MGMT: variants seen among roughly 807,000 people sequenced by gnomAD.
The protein encoded by MGMT is methylated-DNA--protein-cysteine methyltransferase.
A neutral mutation model predicts 15.9 loss-of-function variants in MGMT; 14 were observed. The ratio of observed to expected loss-of-function variants is 0.88; its 90% CI spans 0.58 to 1.37. MGMT has a LOEUF of 1.37. MGMT is among the 40% of genes most tolerant of loss of function. MGMT has a pLI of 0.00. For synonymous variants in MGMT, 130 were observed against 118.2 expected (o/e 1.10, Z -0.65); for missense variants, 282 against 268.1 (o/e 1.05, Z -0.36).
rs183847376 is a variant in MGMT, at chr10:129,729,015, T to C, written c.274+20972T>C. 3.5e-3 allele frequency among the ~76,000 whole-genome samples: 529 copies of C among 152,258 alleles called. 1 individual carries two copies. Among genetic ancestry groups the C allele is most frequent in the Non-Finnish European group, 5.5e-3 (372 of 68,016 alleles). ...TCCAGAAGACATCAGGCTCTTTCTCTAGTGACCTTAGAAATCCCCGCATTG... is the reference window on the plus strand; with the variant it reads ...TCCAGAAGACATCAGGCTCTTTCTCCAGTGACCTTAGAAATCCCCGCATTG... On this transcript the variant is annotated intron_variant, in intron 3 of 4. Transcript: ENST00000651593.
chr10:129,633,355 G>A (rs531206465), intron 2 of MGMT, among the ~76,000 whole-genome samples: 119 of 152,220 alleles, frequency 7.8e-4, no homozygotes, highest in Non-Finnish European at 1.3e-3. Flanking sequence ...GCGTAGTCAG[G>A]GATAAATGCT....
At chr10:129,535,962 G>A (rs764863406) in intron 1 of MGMT, among the ~76,000 whole-genome samples, 48 of 152,146 alleles carry the variant, frequency 3.2e-4, no homozygotes, top group Non-Finnish European at 7.4e-5. Context: ...AGCTTCCTTC[G>A]GTGTTGCGTT....
intron 2 of MGMT, among the ~76,000 whole-genome samples, chr10:129,687,875 G>A (rs541180445): frequency 2.0e-5 from 3 of 151,750 alleles, no homozygotes; most frequent in South Asian, 2.1e-4. Flanking sequence ...AGGCCCTGGT[G>A]TGTGATGTTC....
intron 3 of MGMT, among the ~76,000 whole-genome samples, chr10:129,744,807 A>C (rs1180350338): frequency 6.6e-6 from 1 of 152,232 alleles, no homozygotes; most frequent in Non-Finnish European, 1.5e-5. Context: ...GTTGAAGTAG[A>C]TGCCGGGTGG....
chr10:129,725,847 C>G (rs776142985), intron 3 of MGMT, among the ~76,000 whole-genome samples: 7 of 152,328 alleles, frequency 4.6e-5, no homozygotes, highest in South Asian at 2.1e-4. Context: ...GATCAGGAGC[C>G]TAGGGTTCAA....
intron 2 of MGMT, among the ~76,000 whole-genome samples, chr10:129,655,520 C>A (rs1847515651): frequency 6.6e-6 from 1 of 152,194 alleles, no homozygotes; most frequent in South Asian, 2.1e-4. Flanking sequence ...AACGTCCAGA[C>A]CTTTGTTGTC....
At chr10:129,695,449 G>A (rs1848019099) in intron 2 of MGMT, among the ~76,000 whole-genome samples, 1 of 152,190 alleles carries the variant, frequency 6.6e-6, no homozygotes, top group African/African-American at 2.4e-5. Context: ...CAAGTTAATG[G>A]GACCGAGCCC....
At chr10:129,512,251 G>T (rs952833076) in intron 1 of MGMT, among the ~76,000 whole-genome samples, 1 of 152,128 alleles carries the variant, frequency 6.6e-6, no homozygotes, top group African/African-American at 2.4e-5. Flanking sequence ...CTGTAGTACT[G>T]CTTGCTTCTT....
intron 2 of MGMT, among the ~76,000 whole-genome samples, chr10:129,580,517 G>A (rs1217807098): frequency 2.0e-5 from 3 of 152,118 alleles, no homozygotes; most frequent in Admixed American, 6.5e-5. Flanking sequence ...AGGTCTAGAC[G>A]TTCCTAGGCT....
intron 2 of MGMT, among the ~76,000 whole-genome samples, chr10:129,675,275 C>G (rs951095346): frequency 6.6e-6 from 1 of 152,154 alleles, no homozygotes; most frequent in Non-Finnish European, 1.5e-5. Flanking sequence ...AGTCCTCACC[C>G]TGGCTGTAGT....
At chr10:129,687,088 G>A (rs1468729614) in intron 2 of MGMT, among the ~76,000 whole-genome samples, 1 of 152,190 alleles carries the variant, frequency 6.6e-6, no homozygotes, top group African/African-American at 2.4e-5. Flanking sequence ...GTCACAAATA[G>A]TAGGTTCTCA....
chr10:129,646,744 A>ATTTTTTTT (rs1448953343), intron 2 of MGMT, among the ~76,000 whole-genome samples: 1 of 79,262 alleles, frequency 1.3e-5, no homozygotes, highest in Non-Finnish European at 2.8e-5. Flanking sequence ...ATATATATAT[A>ATTTTTTTT]TATATATATA....
chr10:129,536,130 A>G (rs1257515873), intron 1 of MGMT, 111 bp from the exon 2 acceptor site: 2 of 1,217,232 alleles, frequency 1.6e-6, no homozygotes, highest in Non-Finnish European at 2.3e-6. Context: ...AAAATGAGGA[A>G]GAGCTTTGGA....
chr10:129,708,117 A>G lies in MGMT; in HGVS notation c.274+74A>G, dbSNP rs1443115129. 4.6e-6 allele frequency: 7 copies of G among 1,521,028 alleles called. No homozygotes were observed. The East Asian group carries it at 1.1e-4, about 25-fold the overall frequency. The allele number at this position is 1,521,028 out of a possible 1,614,324, so 94.2% of individuals were successfully genotyped here. On this transcript the variant is annotated intron_variant, in intron 3 of 4. Transcript: ENST00000651593. ...TTAACGATCGCTGACATCACAGTTCATTTTATTGAGTATACCAACTTGGTA... is the reference window on the plus strand; with the variant it reads ...TTAACGATCGCTGACATCACAGTTCGTTTTATTGAGTATACCAACTTGGTA...
intron 3 of MGMT, among the ~76,000 whole-genome samples, chr10:129,734,481 G>A (rs12256179): frequency 0.54 from 81,258 of 149,104 alleles, 22,519 homozygotes; most frequent in Middle Eastern, 0.71. Context: ...GGGGTCTTCT[G>A]GATATACAAT....
At chr10:129,513,044 C>T (rs1845701759) in intron 1 of MGMT, among the ~76,000 whole-genome samples, 1 of 152,218 alleles carries the variant, frequency 6.6e-6, no homozygotes, top group Admixed American at 6.5e-5. Context: ...GTGGCCTATC[C>T]ATGCAATGGA....
At chr10:129,544,829 C>T (rs970265664) in intron 2 of MGMT, among the ~76,000 whole-genome samples, 2 of 152,212 alleles carry the variant, frequency 1.3e-5, no homozygotes, top group Non-Finnish European at 2.9e-5. Context: ...TCAATGAACC[C>T]CTGTGAGAAA....
At chr10:129,567,447 A>G (rs1846369326) in intron 2 of MGMT, among the ~76,000 whole-genome samples, 1 of 152,014 alleles carries the variant, frequency 6.6e-6, no homozygotes, top group Non-Finnish European at 1.5e-5. Flanking sequence ...CATCCTGGAA[A>G]CCCTGGGAGG....
chr10:129,601,586 G>A (rs945703910), intron 2 of MGMT, among the ~76,000 whole-genome samples: 7 of 152,092 alleles, frequency 4.6e-5, no homozygotes, highest in Admixed American at 1.3e-4. Context: ...CCTCATCCTA[G>A]CACCACCTCG....
Sources: gnomAD v4.1 joint callset for allele counts (sites outside exome capture counted in the v4.1 genomes callset) on GRCh38, gnomAD v4.1.1 for gene constraint, MANE v1.5 for transcripts, NCBI Gene and HGNC (gene_info 2026-07-23, HGNC 2026-07-21) for gene names.